ZNF234: variants seen among roughly 807,000 people sequenced by gnomAD.
ZNF234 encodes the protein C2-H2 type zinc finger protein.
ZNF234 carries 4 observed loss-of-function variants against 10.3 expected under a neutral mutation model. That is an observed-to-expected ratio of 0.39 (90% CI 0.19 to 0.89). ZNF234 has a LOEUF of 0.89. ZNF234 is among the 40% of genes least tolerant of loss of function. The pLI, the probability that ZNF234 is intolerant of heterozygous loss-of-function variation, is 0.38. For missense variants in ZNF234, 711 were observed against 836.1 expected (o/e 0.85, Z 1.85); for synonymous variants, 258 against 280.1 (o/e 0.92, Z 0.79).
At chr19:44,145,905 T>TC (rs1282039861) in intron 3 of ZNF234, among the ~76,000 whole-genome samples, 2 of 152,240 alleles carry the variant, frequency 1.3e-5, no homozygotes, top group African/African-American at 4.8e-5. Context: ...ATTTAAAATG[T>TC]CCAGTGACAC....
Position 44,157,418 on chromosome 19 carries a change from A to T in ZNF234, c.1402A>T (p.Ser468Cys). Residue 468 changes from serine to cysteine, a missense_variant, in exon 6 of 6, where the codon AGC (serine) becomes TGC (cysteine). Physicochemically the swap from Ser to Cys is moderately radical, Grantham distance 112. Coordinates refer to ENST00000426739, the MANE Select transcript of ZNF234 (RefSeq NM_006630.3). ...CEECGQGFNQ[S>C]SRLQIHQLIH... The stretch of plus-strand genomic sequence containing the variant: ...AGAGTGTGGGCAGGGCTTCAATCAG[A>T]GCTCACGACTTCAGATTCACCAGCT... 6.2e-7 allele frequency: 1 copy of T among 1,613,998 alleles called. No individual in the cohort carries two copies. The highest frequency in any genetic ancestry group is 1.1e-5 in the South Asian group (1 of 91,080).
chr19:44,148,755 G>A lies in ZNF234; in HGVS notation c.16-16G>A. Reference sequence around the variant, plus strand: ...TTTGTTAAAAAGGCTGAAGTAAGGTGTGTTTGATGTTATAGGAGGGACTGA... The same window carrying A: ...TTTGTTAAAAAGGCTGAAGTAAGGTATGTTTGATGTTATAGGAGGGACTGA... On this transcript the variant is annotated splice_polypyrimidine_tract_variant and intron_variant, in intron 3 of 5. Coordinates refer to ENST00000426739, the MANE Select transcript of ZNF234 (RefSeq NM_006630.3). 1.2e-6 allele frequency: 2 copies of A among 1,613,056 alleles called. No individual in the cohort carries two copies. The highest frequency in any genetic ancestry group is 1.7e-6 in the Non-Finnish European group (2 of 1,179,340).
At chr19:44,143,532 C>G (rs1968518437) in intron 2 of ZNF234, among the ~76,000 whole-genome samples, 1 of 151,902 alleles carries the variant, frequency 6.6e-6, no homozygotes, top group Non-Finnish European at 1.5e-5. Flanking sequence ...TGGTGTTAAC[C>G]CGGGAGGCGG....
intron 3 of ZNF234, among the ~76,000 whole-genome samples, chr19:44,144,981 G>A (rs1401229262): frequency 6.6e-6 from 1 of 152,184 alleles, no homozygotes; most frequent in African/African-American, 2.4e-5. Context: ...ACCCATGGAT[G>A]TGGAGGGCTG....
intron 3 of ZNF234, among the ~76,000 whole-genome samples, chr19:44,148,380 C>A (rs73564045): frequency 2.6e-5 from 4 of 152,072 alleles, no homozygotes; most frequent in Admixed American, 6.6e-5. Flanking sequence ...TAGCATCCAG[C>A]GTTCCTATGT....
chr19:44,157,453 C>T lies in ZNF234; in HGVS notation c.1437C>T (p.Thr479=), dbSNP rs182811010. The change falls in exon 6 of 6, where the codon ACC becomes ACT. Residue 479 remains threonine (T), a synonymous_variant. Transcript: ENST00000426739. ...SRLQIHQLIH[T]GEKPYKCEEC... is the part of the protein sequence containing the mutation. ...TTCAGATTCACCAGCTGATCCATAC[C>T]GGTGAGAAACCATACAAATGTGAAG... 1.2e-4 allele frequency: 191 copies of T among 1,613,616 alleles called. No homozygotes were observed. Among genetic ancestry groups the T allele is most frequent in the Admixed American group, 1.0e-3 (61 of 60,012 alleles).
chr19:44,143,595 C>T (rs994178980), intron 2 of ZNF234, among the ~76,000 whole-genome samples: 34 of 137,290 alleles, frequency 2.5e-4, no homozygotes, highest in African/African-American at 8.2e-4. Flanking sequence ...GGCAACAGCG[C>T]AAGACTCTGT....
Position 44,157,537 on chromosome 19 carries a change from A to T in ZNF234, c.1521A>T (p.Thr507=). 6.2e-7 allele frequency: 1 copy of T among 1,614,080 alleles called. No homozygotes were observed. The highest frequency in any genetic ancestry group is 8.5e-7 in the Non-Finnish European group (1 of 1,179,950). Reference sequence around the variant, plus strand: ...TTAAAATTCATTGTAGGATCCACACAGGGGAGAAACCATATAATTGTGAGG... The same window carrying T: ...TTAAAATTCATTGTAGGATCCACACTGGGGAGAAACCATATAATTGTGAGG... The part of the protein sequence containing the change: ...ADLKIHCRIH[T]GEKPYNCEEC... Residue 507 remains threonine (T), a synonymous_variant, in exon 6 of 6, where the codon ACA becomes ACT. Coordinates refer to ENST00000426739, the MANE Select transcript of ZNF234 (RefSeq NM_006630.3).
intron 4 of ZNF234, among the ~76,000 whole-genome samples, chr19:44,149,528 T>C (rs4803685): frequency 0.14 from 20,611 of 152,108 alleles, 3,369 homozygotes; most frequent in African/African-American, 0.38. Context: ...AGATAACACC[T>C]GGAGTTTTTT....
At chr19:44,150,796 G>C (rs1288842522) in intron 5 of ZNF234, among the ~76,000 whole-genome samples, 1 of 152,116 alleles carries the variant, frequency 6.6e-6, no homozygotes, top group Admixed American at 6.6e-5. Context: ...CTGTAATCCA[G>C]CACTTTGGGG....
chr19:44,150,570 C>T lies in ZNF234; in HGVS notation c.235+65C>T, dbSNP rs928440558. 7 of 1,361,528 alleles carry T rather than the reference C, an allele frequency of 5.1e-6. 1 individual carries two copies. The highest frequency in any genetic ancestry group is 4.2e-5 in the South Asian group (3 of 72,058). The allele number at this position is 1,361,528 out of a possible 1,614,324, so 84.3% of individuals were successfully genotyped here. A position where few individuals can be genotyped will look rare whatever the true frequency, so the allele number is the denominator to read the frequency against. On this transcript the variant is annotated intron_variant, in intron 5 of 5. Transcript: ENST00000426739. ...CCATCTGTTGTACTTCTCTCCCCTG[C>T]TCTTGCTGCCATCGGGTCCAAATTG...
rs778444875 is a variant in ZNF234 at position 44,156,561 on chromosome 19, GA to G, written c.550del (p.Ser184AlafsTer45). ...AAGTCTCATACATGTGATGAGTGTG[GA>G]AAAAGCTTCTGTTACATCTCAGCCC... is the stretch of plus-strand genomic sequence containing the variant. ...GEKSHTCDECGKSFCYISALH... is the reference protein window; with the variant it reads ...GEKSHTCDECXKSFCYISALH... On this transcript the variant is annotated frameshift_variant, in exon 6 of 6. Coordinates refer to ENST00000426739, the MANE Select transcript of ZNF234 (RefSeq NM_006630.3). LOFTEE classifies it low-confidence loss of function (END_TRUNC). 5.6e-6 allele frequency: 9 copies of G among 1,614,060 alleles called. No homozygotes were observed. The highest frequency in any genetic ancestry group is 7.6e-6 in the Non-Finnish European group (9 of 1,180,024).
Position 44,156,374 on chromosome 19 carries a change from A to G in ZNF234, c.358A>G (p.Ser120Gly), listed in dbSNP as rs1268498210. ...DLIKYEDSMI[S>G]ISRFPRQGDL... ...AATCAAGTATGAAGACTCTATGATA[A>G]GTATTTCTCGGTTCCCCAGACAAGG... Residue 120 changes from serine (S) to glycine (G), a missense_variant, in exon 6 of 6, where the codon AGT becomes GGT. Ser to Gly is a moderately conservative substitution (Grantham distance 56). Coordinates refer to ENST00000426739, the MANE Select transcript of ZNF234 (RefSeq NM_006630.3). The G allele has an allele frequency of 1.2e-6, 2 of 1,613,514 alleles. No individual in the cohort carries two copies. Among genetic ancestry groups the G allele is most frequent in the African/African-American group, 2.7e-5 (2 of 74,908 alleles).
In ZNF234 at chr19:44,159,421, A is replaced by G. The variant is rs1428692210; in HGVS notation, c.*1302A>G. 1.2e-5 allele frequency: 3 copies of G among 253,746 alleles called. No homozygotes were observed. Among genetic ancestry groups the G allele is most frequent in the South Asian group, 3.9e-5 (1 of 25,848 alleles). The allele number at this position is 253,746 out of a possible 1,614,324, so 15.7% of individuals were successfully genotyped here. Reference sequence around the variant, plus strand: ...TGAACACCTGAGCTCAAGCAATCCAACCTCCTTGGCCTCCCAGTGTTAAAT... The same window carrying G: ...TGAACACCTGAGCTCAAGCAATCCAGCCTCCTTGGCCTCCCAGTGTTAAAT... On this transcript the variant is annotated 3_prime_UTR_variant, in exon 6 of 6. Transcript: ENST00000426739.
Position 44,152,173 on chromosome 19 carries a change from C to T in ZNF234, c.235+1668C>T, listed in dbSNP as rs1457130348. Among the ~76,000 whole-genome samples the T allele has an allele frequency of 2.6e-5, 4 of 152,150 alleles. 1 individual carries two copies. Among genetic ancestry groups the T allele is most frequent in the Non-Finnish European group, 5.9e-5 (4 of 68,030 alleles). The stretch of plus-strand genomic sequence containing the variant: ...ATGCCATCCTTTACTCTCTGCCCTA[C>T]CTTCTCTTGTGTCTCATAGACTTTG... On this transcript the variant is annotated intron_variant, in intron 5 of 5. Coordinates refer to ENST00000426739, the MANE Select transcript of ZNF234 (RefSeq NM_006630.3).
At position 44,157,426 on chromosome 19, in the gene ZNF234, A is replaced by C. The variant is rs762159121; in HGVS notation, c.1410A>C (p.Arg470=). The C allele has an allele frequency of 3.4e-5, 55 of 1,613,772 alleles. No homozygotes were observed. The highest frequency in any genetic ancestry group is 4.1e-5 in the Non-Finnish European group (48 of 1,179,864). Residue 470 remains arginine, a synonymous_variant, in exon 6 of 6, where the codon CGA becomes CGC. Transcript: ENST00000426739. ...GGCAGGGCTTCAATCAGAGCTCACG[A>C]CTTCAGATTCACCAGCTGATCCATA... is the stretch of plus-strand genomic sequence containing the variant. ...ECGQGFNQSS[R]LQIHQLIHTG...
At chr19:44,144,191 C>T (rs1435877850) in intron 2 of ZNF234, among the ~76,000 whole-genome samples, 1 of 152,156 alleles carries the variant, frequency 6.6e-6, no homozygotes, top group Non-Finnish European at 1.5e-5. Context: ...AAATCCCCAT[C>T]AACAAGTAAC....
In ZNF234 at chr19:44,144,564, G is replaced by A; in HGVS notation, c.-69G>A. ...TTTTTGTGTCTTCCATAGTGTTCCAGGCACGATTCTGCCTTCTCTCAAATG... is the reference window on the plus strand; with the variant it reads ...TTTTTGTGTCTTCCATAGTGTTCCAAGCACGATTCTGCCTTCTCTCAAATG... On this transcript the variant is annotated 5_prime_UTR_variant, in exon 3 of 6. Transcript: ENST00000426739. 1 of 1,419,420 alleles carries A rather than the reference G, an allele frequency of 7.0e-7. No homozygotes were observed. The highest frequency in any genetic ancestry group is 9.4e-7 in the Non-Finnish European group (1 of 1,065,392). The allele number at this position is 1,419,420 out of a possible 1,614,324, so 87.9% of individuals were successfully genotyped here.
In ZNF234 at chr19:44,157,279, C is replaced by T. The variant is rs759074594; in HGVS notation, c.1263C>T (p.Val421=). 2 of 1,613,884 alleles carry T rather than the reference C, an allele frequency of 1.2e-6. No individual in the cohort carries two copies. The highest frequency in any genetic ancestry group is 1.7e-6 in the Non-Finnish European group (2 of 1,179,946). The change falls in exon 6 of 6, where the codon GTC becomes GTT. Residue 421 remains valine, a synonymous_variant. Transcript: ENST00000426739. The part of the protein sequence containing the change: ...MKIHYQVHLV[V]HTGEKPYKCE... Reference sequence around the variant, plus strand: ...TTCATTATCAAGTGCATCTGGTAGTCCACACAGGGGAAAAACCCTATAAAT... The same window carrying T: ...TTCATTATCAAGTGCATCTGGTAGTTCACACAGGGGAAAAACCCTATAAAT...
Sources: gnomAD v4.1 joint callset for allele counts (sites outside exome capture counted in the v4.1 genomes callset) on GRCh38, gnomAD v4.1.1 for gene constraint, MANE v1.5 for transcripts, NCBI Gene and HGNC (gene_info 2026-07-23, HGNC 2026-07-21) for gene names.